The following CHD7 variants were observed in gnomAD, a reference collection of about 807,000 sequenced individuals.
CHD7 encodes the protein chromodomain helicase DNA binding protein 7.
CHD7 carries 24 observed loss-of-function variants against 307.3 expected under a neutral mutation model. The ratio of observed to expected loss-of-function variants is 0.08; its 90% CI spans 0.06 to 0.11. The LOEUF is 0.11. Ranked by LOEUF, CHD7 falls within the 10% of genes least tolerant of loss-of-function variation. CHD7 has a pLI of 1.00. For missense variants in CHD7, 3,106 were observed against 3,727.1 expected, an observed-to-expected ratio of 0.83 and a Z score of 4.34; for synonymous variants, 1,363 against 1,349.9, an observed-to-expected ratio of 1.01 and a Z score of -0.21.
rs1345245155 is a variant in CHD7, at chr8:60,838,233, G to A, written c.4511G>A (p.Gly1504Glu). The A allele has an allele frequency of 6.2e-7, 1 of 1,604,322 alleles. No homozygotes were observed. The highest frequency in any genetic ancestry group is 2.2e-5 in the East Asian group (1 of 44,626). ...CACACCATTACCATTGAGTCAGAAG[G>A]GAAAGGTTCCACATTTGCTAAGGTG... The part of the protein sequence containing the change: ...RTHTITIESE[G>E]KGSTFAKASF... Residue 1504 changes from glycine (G) to glutamate (E), a missense_variant, in exon 19 of 38, where the codon GGG becomes GAG. By Grantham distance (98) the Gly-to-Glu change is moderately conservative. Around this residue, in one of 10 missense-constraint regions of CHD7, gnomAD observed 93 missense variants for 176.4 expected, o/e 0.53. Transcript: ENST00000423902.
At chr8:60,727,965 A>C (rs111321202) in intron 1 of CHD7, among the ~76,000 whole-genome samples, 1 of 152,320 alleles carries the variant, frequency 6.6e-6, no homozygotes, top group African/African-American at 2.4e-5. Flanking sequence ...TCCAGAAACA[A>C]GTCTCTCTCT....
intron 4 of CHD7, among the ~76,000 whole-genome samples, chr8:60,796,128 G>A (rs191718112): frequency 1.2e-4 from 18 of 152,328 alleles, no homozygotes; most frequent in Non-Finnish European, 2.1e-4. Flanking sequence ...TCACAGAATA[G>A]CCTTAAGCTA....
intron 19 of CHD7, among the ~76,000 whole-genome samples, chr8:60,840,870 G>T (rs979042359): frequency 6.6e-6 from 1 of 151,464 alleles, no homozygotes; most frequent in Non-Finnish European, 1.5e-5. Context: ...TACCCACCTC[G>T]GCCTCCCAAA....
chr8:60,853,563 T>C, intron 31 of CHD7, 63 bp downstream of exon 31: 1 of 1,333,750 alleles, frequency 7.5e-7, no homozygotes, highest in Non-Finnish European at 1.0e-6. Flanking sequence ...ATGCGTTGCT[T>C]TCTGGCAGCA....
intron 1 of CHD7, among the ~76,000 whole-genome samples, chr8:60,679,957 TAGG>T (rs985201719): frequency 2.6e-5 from 4 of 150,970 alleles, no homozygotes; most frequent in Non-Finnish European, 5.9e-5. Flanking sequence ...CCAAGTGCGC[TAGG>T]AGGAGAAGAA....
chr8:60,762,419 A>G (rs2326598), intron 2 of CHD7, among the ~76,000 whole-genome samples: 118,801 of 152,114 alleles, frequency 0.78, 46,642 homozygotes, highest in East Asian at 0.94. Flanking sequence ...GCACAGCACA[A>G]TGTTGAAGAG....
rs1804102127 is a variant in CHD7 at position 60,822,716 on chromosome 8, G to C, written c.3171G>C (p.Gln1057His). ...HGSQASRRTI[Q>H]LYEMYFKDPQ... ...GTCAAGCTAGTCGTCGGACCATTCAGTTGTATGAAATGTACTTCAAAGATC... is the reference window on the plus strand; with the variant it reads ...GTCAAGCTAGTCGTCGGACCATTCACTTGTATGAAATGTACTTCAAAGATC... The change falls in exon 12 of 38, where the codon CAG (glutamine) becomes CAC (histidine). Residue 1057 changes from glutamine to histidine, a missense_variant. Gln to His is a conservative substitution (Grantham distance 24, BLOSUM62 0). Transcript: ENST00000423902. The C allele has an allele frequency of 1.2e-6, 2 of 1,612,032 alleles. No homozygotes were observed. The highest frequency in any genetic ancestry group is 2.7e-5 in the African/African-American group (2 of 74,856).
At position 60,868,009 on chromosome 8, in the gene CHD7, TA is replaced by T. The variant is rs1806289872; in HGVS notation, c.*2079del. ...GAATTTGCTTAATAAAATGAGTCATTAAAGGGTGTTTTTTTTAAAGTTCTTT... is the reference window on the plus strand; with the variant it reads ...GAATTTGCTTAATAAAATGAGTCATTAAGGGTGTTTTTTTTAAAGTTCTTT... On this transcript the variant is annotated 3_prime_UTR_variant, in exon 38 of 38. Transcript: ENST00000423902. The T allele has an allele frequency of 6.6e-6, 1 of 152,194 alleles. No individual in the cohort carries two copies. Among genetic ancestry groups the T allele is most frequent in the African/African-American group, 2.4e-5 (1 of 41,436 alleles). 9.4% of individuals were successfully genotyped at this position (152,194 alleles called of 1,614,324 possible). A position where few individuals can be genotyped will look rare whatever the true frequency, so the allele number is the denominator to read the frequency against.
In CHD7 at chr8:60,852,878, C is replaced by T. The variant is rs759326626; in HGVS notation, c.6153C>T (p.Ala2051=). Residue 2051 remains alanine (A), a synonymous_variant, in exon 31 of 38, where the codon GCC becomes GCT. Transcript: ENST00000423902. ...SIIEPITEER[A]SRTLYRIELL... ...TTGAGCCGATCACAGAGGAGCGAGC[C>T]TCTCGAACTCTGTACCGCATTGAGC... 1 of 1,613,962 alleles carries T rather than the reference C, an allele frequency of 6.2e-7. No individual in the cohort carries two copies. Among genetic ancestry groups the T allele is most frequent in the East Asian group, 2.2e-5 (1 of 44,880 alleles).
chr8:60,815,699 A>G (rs985982097), intron 7 of CHD7, among the ~76,000 whole-genome samples: 5 of 152,226 alleles, frequency 3.3e-5, no homozygotes, highest in Admixed American at 6.5e-5. Context: ...ACAGGGGACC[A>G]AGGAATATCA....
In CHD7 at chr8:60,848,553, A is replaced by G; in HGVS notation, c.5249A>G (p.Gln1750Arg). 1 of 1,613,776 alleles carries G rather than the reference A, an allele frequency of 6.2e-7. No homozygotes were observed. The highest frequency in any genetic ancestry group is 8.5e-7 in the Non-Finnish European group (1 of 1,179,782). Residue 1750 changes from glutamine to arginine, a missense_variant, in exon 24 of 38, where the codon CAA becomes CGA. Physicochemically the swap from Gln to Arg is conservative, Grantham distance 43. Transcript: ENST00000423902. ...GTCCGCATGCTGTACTACCTAAGAC[A>G]AGAAGTGATAGGAGACCAGGCGGAT... ...LRVRMLYYLRQEVIGDQADKI... is the reference protein window; with the variant it reads ...LRVRMLYYLRREVIGDQADKI...
Position 60,845,546 on chromosome 8 carries a change from G to A in CHD7, c.5210+137G>A, listed in dbSNP as rs1027653645. On this transcript the variant is annotated intron_variant, in intron 23 of 37. Transcript: ENST00000423902. ...TCAACTGAGGGACCTGAGCATCTGC[G>A]GATCTTGGTGTCTGAGGGGGGTCCT... 6.6e-6 allele frequency: 6 copies of A among 907,928 alleles called. No homozygotes were observed. The East Asian group carries it at 8.0e-5, about 12-fold the overall frequency. 56.2% of individuals were successfully genotyped at this position (907,928 alleles called of 1,614,324 possible). A position where few individuals can be genotyped will look rare whatever the true frequency, so the allele number is the denominator to read the frequency against.
At position 60,794,545 on chromosome 8, in the gene CHD7, A is replaced by G. The variant is rs372290388; in HGVS notation, c.2097-441A>G. Among the ~76,000 whole-genome samples the G allele has an allele frequency of 2.0e-5, 3 of 152,344 alleles. No individual in the cohort carries two copies. In the South Asian group the frequency reaches 6.2e-4, roughly 32 times the overall value. On this transcript the variant is annotated intron_variant, in intron 3 of 37. Transcript: ENST00000423902. Reference sequence around the variant, plus strand: ...ATGTAACTGGATGGTATAAAAGAGGATACCTTCTAGTACTGGTCAAAAGAA... The same window carrying G: ...ATGTAACTGGATGGTATAAAAGAGGGTACCTTCTAGTACTGGTCAAAAGAA...
Position 60,741,534 on chromosome 8 carries a change from A to G in CHD7, c.102A>G (p.Val34=), listed in dbSNP as rs1170310957. The change falls in exon 2 of 38, where the codon GTA becomes GTG. Residue 34 remains valine, a synonymous_variant. Transcript: ENST00000423902. ...AATGTGGTTACCCGGAAAATCCAGT[A>G]AATCCTATGGGTCAGCAAATGCCAA... The part of the protein sequence containing the change: ...LGECGYPENP[V]NPMGQQMPID... 11 of 1,613,470 alleles carry G rather than the reference A, an allele frequency of 6.8e-6. No homozygotes were observed. Among genetic ancestry groups the G allele is most frequent in the Non-Finnish European group, 9.3e-6 (11 of 1,179,678 alleles).
intron 21 of CHD7, among the ~76,000 whole-genome samples, chr8:60,842,690 GT>G (rs1025448008): frequency 6.6e-6 from 1 of 151,864 alleles, no homozygotes; most frequent in Admixed American, 6.6e-5. Flanking sequence ...GGCAACTCCT[GT>G]TAAAAAAAAA....
intron 2 of CHD7, among the ~76,000 whole-genome samples, chr8:60,772,841 T>C (rs957258583): frequency 1.3e-5 from 2 of 152,226 alleles, no homozygotes; most frequent in Non-Finnish European, 2.9e-5. Flanking sequence ...AGAAGAACAT[T>C]TGCTGATTTA....
At chr8:60,754,679 T>C (rs546037891) in intron 2 of CHD7, among the ~76,000 whole-genome samples, 3 of 152,214 alleles carry the variant, frequency 2.0e-5, no homozygotes, top group South Asian at 2.1e-4. Flanking sequence ...CTAGGAAATA[T>C]TACTGTATAT....
chr8:60,843,028 C>T (rs1805042686), intron 21 of CHD7, among the ~76,000 whole-genome samples: 3 of 152,210 alleles, frequency 2.0e-5, no homozygotes, highest in Non-Finnish European at 4.4e-5. Context: ...GTGTCCGACG[C>T]AGGCATCAGC....
intron 15 of CHD7, among the ~76,000 whole-genome samples, chr8:60,832,798 T>C (rs1804578402): frequency 6.6e-6 from 1 of 152,160 alleles, no homozygotes; most frequent in South Asian, 2.1e-4. Context: ...GTCTCTTCCT[T>C]TGATGATTGC....
Sources: allele counts gnomAD v4.1 joint callset (sites outside exome capture counted in the v4.1 genomes callset), GRCh38; gene constraint gnomAD v4.1.1; regional missense constraint gnomAD v4.1.1; transcripts MANE v1.5; gene names NCBI Gene and HGNC (gene_info 2026-07-23, HGNC 2026-07-21).